Variants in VWDE observed in about 807,000 individuals in gnomAD.
VWDE encodes the protein von Willebrand factor D and EGF domain-containing protein.
Under a neutral mutation model 178.4 loss-of-function variants are expected in VWDE, and 207 were observed. The ratio of observed to expected loss-of-function variants is 1.16; its 90% CI spans 1.04 to 1.30. The LOEUF is 1.30. Among genes scored for constraint, VWDE ranks in the 50% most tolerant of loss-of-function variants. The pLI is 0.00. For missense variants in VWDE, 2,287 were observed against 1,901.3 expected (o/e 1.20, Z -3.77); for synonymous variants, 738 against 651.4 (o/e 1.13, Z -2.02).
At chr7:12,380,820 GT>G in intron 4 of VWDE, 87 bp from the exon 5 acceptor site, 1 of 1,437,234 alleles carries the variant, frequency 7.0e-7, no homozygotes. Flanking sequence ...CTATAACTCT[GT>G]GGTTTATCTT....
chr7:12,361,619 G>A, intron 13 of VWDE, 98 bp from the exon 14 acceptor site: 1 of 1,148,344 alleles, frequency 8.7e-7, no homozygotes, highest in Non-Finnish European at 1.2e-6. Flanking sequence ...TAAAATATAT[G>A]CCTAGTATAA....
intron 28 of VWDE, among the ~76,000 whole-genome samples, chr7:12,332,265 C>G (rs1392618696): frequency 6.6e-6 from 1 of 152,076 alleles, no homozygotes; most frequent in African/African-American, 2.4e-5. Flanking sequence ...GAGCAGGTTA[C>G]AGTAGAACAG....
At position 12,370,035 on chromosome 7, in the gene VWDE, C is replaced by G; in HGVS notation, c.2271G>C (p.Glu757Asp). ...TCGGGAAAGCAAACAAAGGAGGAAA[C>G]TCATGAAAGTTCTGCCGTTTCCATC... The part of the protein sequence containing the change: ...QNRWKRQNFH[E>D]FPPLFAFPSL... Residue 757 changes from glutamate (E) to aspartate (D), a missense_variant, in exon 12 of 29, where the codon GAG becomes GAC. By Grantham distance (45) the Glu-to-Asp change is conservative (BLOSUM62 2). Coordinates refer to ENST00000275358, the MANE Select transcript of VWDE (RefSeq NM_001135924.3). 6.4e-7 allele frequency: 1 copy of G among 1,551,510 alleles called. No individual in the cohort carries two copies. Among genetic ancestry groups the G allele is most frequent in the Non-Finnish European group, 8.7e-7 (1 of 1,146,892 alleles).
Position 12,336,222 on chromosome 7 carries a change from T to C in VWDE, c.4573A>G (p.Lys1525Glu). 1 of 1,551,296 alleles carries C rather than the reference T, an allele frequency of 6.4e-7. No homozygotes were observed. ...ATGCATTCACCACCGTTTTTACATT[T>C]CTGCAAGCAGATAGCTGCCAATCGA... ...KRCNTPICLQ[K>E]CKNGGECIAP... The change falls in exon 27 of 29, where the codon AAA (lysine) becomes GAA (glutamate). Residue 1525 changes from lysine to glutamate, a missense_variant. Transcript: ENST00000275358.
intron 2 of VWDE, among the ~76,000 whole-genome samples, chr7:12,392,830 G>A (rs1023008195): frequency 3.4e-5 from 5 of 147,302 alleles, no homozygotes; most frequent in African/African-American, 5.0e-5. Flanking sequence ...AAACACATCC[G>A]ATGTGAGTTC....
intron 19 of VWDE, among the ~76,000 whole-genome samples, chr7:12,345,759 A>T (rs1340425748): frequency 6.6e-6 from 1 of 152,136 alleles, no homozygotes; most frequent in Non-Finnish European, 1.5e-5. Flanking sequence ...ATTTGTACTG[A>T]GACTACGATC....
chr7:12,368,713 A>T (rs753895336), intron 12 of VWDE, among the ~76,000 whole-genome samples: 5 of 152,170 alleles, frequency 3.3e-5, no homozygotes, highest in Non-Finnish European at 7.4e-5. Flanking sequence ...CTCACATTTC[A>T]GTGGGGTCAC....
At chr7:12,366,309 T>C (rs996649469) in intron 13 of VWDE, among the ~76,000 whole-genome samples, 3 of 152,090 alleles carry the variant, frequency 2.0e-5, no homozygotes, top group Non-Finnish European at 2.9e-5. Flanking sequence ...AAGTGGCAGG[T>C]AGTATGAGAG....
Position 12,356,338 on chromosome 7 carries a change from A to G in VWDE, c.3526-8T>C. The G allele has an allele frequency of 1.3e-6, 2 of 1,545,686 alleles. No homozygotes were observed. The highest frequency in any genetic ancestry group is 1.7e-6 in the Non-Finnish European group (2 of 1,143,972). On this transcript the variant is annotated splice_region_variant and splice_polypyrimidine_tract_variant and intron_variant, in intron 17 of 28. Transcript: ENST00000275358. Reference sequence around the variant, plus strand: ...ACAAGACTTCACAGTCACCTACAAAACAAAAAAAAAGGAAATGTCTTATTT... The same window carrying G: ...ACAAGACTTCACAGTCACCTACAAAGCAAAAAAAAAGGAAATGTCTTATTT...
In VWDE at chr7:12,378,318, C is replaced by A. The variant is rs1284991835; in HGVS notation, c.880-398G>T. Among the ~76,000 whole-genome samples the A allele has an allele frequency of 2.0e-5, 3 of 152,298 alleles. No individual in the cohort carries two copies. The East Asian group carries it at 5.8e-4, about 29-fold the overall frequency. On this transcript the variant is annotated intron_variant, in intron 6 of 28. Coordinates refer to ENST00000275358, the MANE Select transcript of VWDE (RefSeq NM_001135924.3). Reference sequence around the variant, plus strand: ...TGGTTTTTCTTAGGGATTAATACCACCATCTCAATTAGAAATTTAAGTACT... The same window carrying A: ...TGGTTTTTCTTAGGGATTAATACCAACATCTCAATTAGAAATTTAAGTACT...
At chr7:12,344,567 T>C (rs1424802671) in intron 19 of VWDE, 98 bp from the exon 20 acceptor site, 4 of 895,256 alleles carry the variant, frequency 4.5e-6, no homozygotes, top group Non-Finnish European at 6.8e-6. Context: ...CTCTGAAGTT[T>C]GAATAGTTAA....
chr7:12,342,460 A>G (rs1247573770), intron 22 of VWDE, among the ~76,000 whole-genome samples: 1 of 152,124 alleles, frequency 6.6e-6, no homozygotes, highest in Admixed American at 6.5e-5. Flanking sequence ...TAAATTTAAA[A>G]AGAAATTTAT....
Position 12,333,511 on chromosome 7 carries a change from G to T in VWDE, c.4712C>A (p.Ser1571Tyr). The change falls in exon 28 of 29, where the codon TCC becomes TAC. Residue 1571 changes from serine to tyrosine, a missense_variant. Transcript: ENST00000275358. ...GGRCIFPNVC[S>Y]CRTEYSGVKC... is the part of the protein sequence containing the mutation. ...GACTCCAGAGTATTCAGTGCGGCAG[G>T]AACACACATTGGGAAATATGCATCT... The T allele has an allele frequency of 6.4e-7, 1 of 1,550,936 alleles. No individual in the cohort carries two copies. The highest frequency in any genetic ancestry group is 2.4e-5 in the East Asian group (1 of 40,882).
chr7:12,385,037 G>A (rs937770066), intron 3 of VWDE, among the ~76,000 whole-genome samples: 1 of 152,022 alleles, frequency 6.6e-6, no homozygotes, highest in Non-Finnish European at 1.5e-5. Context: ...TTTCCATAGA[G>A]TCTTCTAAAT....
rs1782229776 is a variant in VWDE, at chr7:12,356,131, T to A, written c.3725A>T (p.Asp1242Val). 1.3e-6 allele frequency: 2 copies of A among 1,551,240 alleles called. No homozygotes were observed. Among genetic ancestry groups the A allele is most frequent in the Non-Finnish European group, 1.7e-6 (2 of 1,146,988 alleles). The change falls in exon 18 of 29, where the codon GAT becomes GTT. Residue 1242 changes from aspartate to valine, a missense_variant. Transcript: ENST00000275358. ...CTTACCTTTGAGCTCAGGTGGACAA[T>A]CACAGGAATAACTGTGAAAACCACT... ...YISGFHSYSC[D>V]CPPELKVETQ...
Position 12,373,153 on chromosome 7 carries a change from G to C in VWDE, c.1411C>G (p.Leu471Val). Residue 471 changes from leucine to valine, a missense_variant, in exon 10 of 29, where the codon CTT (leucine) becomes GTT (valine). Coordinates refer to ENST00000275358, the MANE Select transcript of VWDE (RefSeq NM_001135924.3). ...CAATTACATGACACTGGATAGTGAAGGCTTCTGCAGTCCCACTGACGTACA... is the reference window on the plus strand; with the variant it reads ...CAATTACATGACACTGGATAGTGAACGCTTCTGCAGTCCCACTGACGTACA... Reference protein sequence around the residue: ...VHVRQWDCRSLHYPVSCNCGF... With the variant: ...VHVRQWDCRSVHYPVSCNCGF... 1 of 1,551,328 alleles carries C rather than the reference G, an allele frequency of 6.4e-7. No homozygotes were observed. The highest frequency in any genetic ancestry group is 8.7e-7 in the Non-Finnish European group (1 of 1,146,798).
chr7:12,396,720 A>G (rs111792338), intron 1 of VWDE, among the ~76,000 whole-genome samples: 1 of 151,922 alleles, frequency 6.6e-6, no homozygotes, highest in Non-Finnish European at 1.5e-5. Context: ...GTTGGAGACC[A>G]GCCTGACCAA....
chr7:12,350,686 C>T (rs566812926), intron 19 of VWDE, among the ~76,000 whole-genome samples: 21 of 152,138 alleles, frequency 1.4e-4, no homozygotes, highest in African/African-American at 4.8e-4. Context: ...AACTCTCTCT[C>T]CTGTAATTTA....
chr7:12,349,248 A>C (rs911864285), intron 19 of VWDE, among the ~76,000 whole-genome samples: 8 of 150,398 alleles, frequency 5.3e-5, no homozygotes, highest in African/African-American at 1.9e-4. Context: ...TAAATAAATA[A>C]ATAAATAAAT....
Sources: allele counts gnomAD v4.1 joint callset (sites outside exome capture counted in the v4.1 genomes callset), GRCh38; gene constraint gnomAD v4.1.1; transcripts MANE v1.5; gene names NCBI Gene and HGNC (gene_info 2026-07-23, HGNC 2026-07-21).